The following BBS9 variants were observed in gnomAD, a reference collection of about 807,000 sequenced individuals.
BBS9 encodes the protein Bardet-Biedl syndrome 9, also known as protein PTHB1.
BBS9 carries 89 observed loss-of-function variants against 117.7 expected under a neutral mutation model. The ratio of observed to expected loss-of-function variants is 0.76; its 90% CI spans 0.64 to 0.90. BBS9 has a LOEUF of 0.90. Ranked by LOEUF, BBS9 falls within the 40% of genes least tolerant of loss-of-function variation. The pLI, the probability that BBS9 is intolerant of heterozygous loss-of-function variation, is 0.00. For synonymous variants in BBS9, 379 were observed against 370.9 expected, an observed-to-expected ratio of 1.02 and a Z score of -0.25; for missense variants, 982 against 1,042.2, an observed-to-expected ratio of 0.94 and a Z score of 0.80.
At chr7:33,256,316 A>AT (rs1797067856) in intron 5 of BBS9, among the ~76,000 whole-genome samples, 2 of 152,328 alleles carry the variant, frequency 1.3e-5, no homozygotes, top group African/African-American at 4.8e-5. Flanking sequence ...TCTAAAAGAG[A>AT]TTCCTGAATG....
rs73099285 is a variant in BBS9, at chr7:33,331,601, A to G, written c.1017-4840A>G. ...ATGTACGTAGATCAGTAGCACTGCT[A>G]TACACTAACAACAACAAAACTGACA... is the stretch of plus-strand genomic sequence containing the variant. On this transcript the variant is annotated intron_variant, in intron 9 of 22. Coordinates refer to ENST00000242067, the MANE Select transcript of BBS9 (RefSeq NM_198428.3). 5.8e-3 allele frequency among the ~76,000 whole-genome samples: 881 copies of G among 151,674 alleles called. 3 individuals carry two copies. The highest frequency in any genetic ancestry group is 9.9e-3 in the Non-Finnish European group (672 of 67,874).
At position 33,367,809 on chromosome 7, in the gene BBS9, G is replaced by T. The variant is rs1822078733; in HGVS notation, c.1736G>T (p.Gly579Val). The change falls in exon 17 of 23, where the codon GGT becomes GTT. Residue 579 changes from glycine to valine, a missense_variant. By Grantham distance (109) the Gly-to-Val change is moderately radical. Coordinates refer to ENST00000242067, the MANE Select transcript of BBS9 (RefSeq NM_198428.3). The part of the protein sequence containing the change: ...QSDDDQVNVM[G>V]FHFLGGARIT... ...GATGATGATCAGGTGAATGTAATGG[G>T]TTTTCACTTCTTAGGAGGTGCTCGA... The T allele has an allele frequency of 6.2e-7, 1 of 1,613,836 alleles. No homozygotes were observed. Among genetic ancestry groups the T allele is most frequent in the Non-Finnish European group, 8.5e-7 (1 of 1,179,838 alleles).
chr7:33,293,012 A>G (rs1312922869), intron 9 of BBS9, among the ~76,000 whole-genome samples: 1 of 151,970 alleles, frequency 6.6e-6, no homozygotes, highest in African/African-American at 2.4e-5. Flanking sequence ...TCTCAAAAAA[A>G]AAAAAAAAAT....
intron 19 of BBS9, among the ~76,000 whole-genome samples, chr7:33,451,710 C>T (rs903584368): frequency 1.3e-5 from 2 of 152,108 alleles, no homozygotes; most frequent in African/African-American, 2.4e-5. Flanking sequence ...GAATTTTCTT[C>T]CTGTTTTTGC....
chr7:33,449,087 G>A (rs1837403205), intron 19 of BBS9, among the ~76,000 whole-genome samples: 1 of 152,212 alleles, frequency 6.6e-6, no homozygotes, highest in South Asian at 2.1e-4. Context: ...TAAATATTGA[G>A]ATGAACAAGG....
At chr7:33,360,679 C>T (rs1820459374) in intron 16 of BBS9, among the ~76,000 whole-genome samples, 1 of 151,702 alleles carries the variant, frequency 6.6e-6, no homozygotes, top group African/African-American at 2.4e-5. Context: ...TACCACCATG[C>T]CTAGCTAATT....
chr7:33,614,275 T>A (rs1342070469), intron 21 of BBS9, among the ~76,000 whole-genome samples: 1 of 152,086 alleles, frequency 6.6e-6, no homozygotes, highest in Admixed American at 6.6e-5. Context: ...GAAGTTAACC[T>A]TGCCACAAAA....
chr7:33,225,104 A>G (rs1167801074), intron 5 of BBS9, among the ~76,000 whole-genome samples: 1 of 152,230 alleles, frequency 6.6e-6, no homozygotes, highest in Non-Finnish European at 1.5e-5. Context: ...TCCTTTGAAG[A>G]TGACAAATTA....
chr7:33,359,473 A>C (rs1348148963), intron 16 of BBS9, among the ~76,000 whole-genome samples: 1 of 152,050 alleles, frequency 6.6e-6, no homozygotes, highest in East Asian at 1.9e-4. Context: ...CATTATGCTC[A>C]TCAGCATATA....
chr7:33,210,473 A>G (rs941750863), intron 5 of BBS9, among the ~76,000 whole-genome samples: 1 of 152,162 alleles, frequency 6.6e-6, no homozygotes, highest in African/African-American at 2.4e-5. Flanking sequence ...TCCAATGCTG[A>G]AAGTGGGGTG....
intron 9 of BBS9, among the ~76,000 whole-genome samples, chr7:33,302,834 G>A (rs1042688866): frequency 1.9e-4 from 29 of 152,140 alleles, no homozygotes; most frequent in Admixed American, 4.6e-4. Context: ...TGGTATTTTG[G>A]TAGTGATATC....
intron 1 of BBS9, among the ~76,000 whole-genome samples, chr7:33,138,253 A>T (rs1011742590): frequency 1.4e-5 from 2 of 147,134 alleles, no homozygotes; most frequent in Admixed American, 7.0e-5. Context: ...CAGCTGATTG[A>T]TGGATACTTT....
chr7:33,632,251 C>T (rs1247572799), intron 21 of BBS9, among the ~76,000 whole-genome samples: 3 of 152,180 alleles, frequency 2.0e-5, no homozygotes, highest in Non-Finnish European at 4.4e-5. Context: ...TTTTGCTCAG[C>T]GATTGCTTCC....
At chr7:33,466,632 A>G (rs942551033) in intron 19 of BBS9, among the ~76,000 whole-genome samples, 1 of 152,154 alleles carries the variant, frequency 6.6e-6, no homozygotes, top group Non-Finnish European at 1.5e-5. Flanking sequence ...CTTGAAAAAC[A>G]CCAATTAATT....
rs1380584977 is a variant in BBS9, at chr7:33,357,939, A to G, written c.1637A>G (p.His546Arg). Reference protein sequence around the residue: ...LPGQPSKTASHKITIDTNKSP... With the variant: ...LPGQPSKTASRKITIDTNKSP... Reference sequence around the variant, plus strand: ...GGTCAGCCTTCAAAAACTGCAAGCCACAAAATTACTATTGATACCAACAAA... The same window carrying G: ...GGTCAGCCTTCAAAAACTGCAAGCCGCAAAATTACTATTGATACCAACAAA... The change falls in exon 16 of 23, where the codon CAC becomes CGC. Residue 546 changes from histidine (H) to arginine (R), a missense_variant. Coordinates refer to ENST00000242067, the MANE Select transcript of BBS9 (RefSeq NM_198428.3). 1.9e-6 allele frequency: 3 copies of G among 1,612,652 alleles called. No individual in the cohort carries two copies. The highest frequency in any genetic ancestry group is 2.7e-5 in the African/African-American group (2 of 74,844).
chr7:33,595,442 C>T lies in BBS9; in HGVS notation c.2522-9423C>T, dbSNP rs564376281. 6.8e-4 allele frequency among the ~76,000 whole-genome samples: 104 copies of T among 152,272 alleles called. 1 individual carries two copies. The Middle Eastern group carries it at 0.02, about 30-fold the overall frequency. On this transcript the variant is annotated intron_variant, in intron 21 of 22. Coordinates refer to ENST00000242067, the MANE Select transcript of BBS9 (RefSeq NM_198428.3). Reference sequence around the variant, plus strand: ...CCAACAAACATGAAAAAAAGCTCAACATCACTGATCATTAGAGGAATGCAA... The same window carrying T: ...CCAACAAACATGAAAAAAAGCTCAATATCACTGATCATTAGAGGAATGCAA...
intron 17 of BBS9, chr7:33,380,993 T>C (rs180717345): frequency 6.6e-6 from 1 of 152,254 alleles, no homozygotes; most frequent in East Asian, 1.9e-4. Flanking sequence ...TGAAATGATC[T>C]TTCTTTCACA....
chr7:33,374,050 G>A (rs1255797246), intron 17 of BBS9, among the ~76,000 whole-genome samples: 1 of 152,148 alleles, frequency 6.6e-6, no homozygotes, highest in African/African-American at 2.4e-5. Flanking sequence ...CTCTTGTGGA[G>A]CTCCTACACT....
At chr7:33,393,464 C>T (rs756857504) in intron 19 of BBS9, among the ~76,000 whole-genome samples, 3 of 152,078 alleles carry the variant, frequency 2.0e-5, no homozygotes, top group Non-Finnish European at 4.4e-5. Context: ...AACAAAGGGT[C>T]CTGTATTTTT....
Sources: allele counts gnomAD v4.1 joint callset (sites outside exome capture counted in the v4.1 genomes callset), GRCh38; gene constraint gnomAD v4.1.1; transcripts MANE v1.5; gene names NCBI Gene and HGNC (gene_info 2026-07-23, HGNC 2026-07-21).